NMNAT2: variants seen among roughly 807,000 people sequenced by gnomAD.
The protein encoded by NMNAT2 is nicotinamide/nicotinic acid mononucleotide adenylyltransferase 2.
A neutral mutation model predicts 41.6 loss-of-function variants in NMNAT2; 11 were observed. The observed-to-expected ratio is 0.26, with a 90% CI of 0.17 to 0.44. The LOEUF (loss-of-function observed/expected upper bound fraction) is 0.44, where lower values mean the gene tolerates loss of function less well. Among genes scored for constraint, NMNAT2 ranks in the 20% least tolerant of loss-of-function variants. The pLI is 1.00. For missense variants in NMNAT2, 288 were observed against 407.7 expected (o/e 0.71, Z 2.53); for synonymous variants, 148 against 151.2 (o/e 0.98, Z 0.16).
intron 1 of NMNAT2, among the ~76,000 whole-genome samples, chr1:183,372,138 A>T (rs189853994): frequency 3.3e-5 from 5 of 152,104 alleles, no homozygotes; most frequent in Non-Finnish European, 7.4e-5. Context: ...ACCTACGTCC[A>T]CTCTTCTGGA....
intron 1 of NMNAT2, among the ~76,000 whole-genome samples, chr1:183,357,525 G>A (rs976905338): frequency 5.3e-5 from 8 of 152,052 alleles, no homozygotes; most frequent in African/African-American, 1.7e-4. Context: ...CACCACGCCC[G>A]GCTGAGAGAT....
chr1:183,343,606 T>C (rs1022340158), intron 1 of NMNAT2, among the ~76,000 whole-genome samples: 32 of 152,322 alleles, frequency 2.1e-4, no homozygotes, highest in African/African-American at 7.2e-4. Flanking sequence ...TCTGTAAAAA[T>C]TACTTGAATG....
At chr1:183,294,219 C>T (rs927508139) in intron 1 of NMNAT2, among the ~76,000 whole-genome samples, 1 of 152,116 alleles carries the variant, frequency 6.6e-6, no homozygotes, top group African/African-American at 2.4e-5. Flanking sequence ...CTGATTGCCT[C>T]ATCTAATTAT....
intron 1 of NMNAT2, among the ~76,000 whole-genome samples, chr1:183,410,886 T>A (rs181137299): frequency 6.6e-6 from 1 of 152,114 alleles, no homozygotes; most frequent in Non-Finnish European, 1.5e-5. Context: ...CCCAGCTAAT[T>A]TTTTAAATTT....
intron 1 of NMNAT2, among the ~76,000 whole-genome samples, chr1:183,357,524 C>T (rs575719650): frequency 1.5e-4 from 23 of 152,188 alleles, no homozygotes; most frequent in African/African-American, 3.1e-4. Flanking sequence ...CCACCACGCC[C>T]GGCTGAGAGA....
intron 1 of NMNAT2, among the ~76,000 whole-genome samples, chr1:183,344,728 C>A (rs1469484581): frequency 6.6e-6 from 1 of 152,116 alleles, no homozygotes; most frequent in Non-Finnish European, 1.5e-5. Flanking sequence ...CCAGAGAAGG[C>A]AGAACAGAAT....
intron 1 of NMNAT2, among the ~76,000 whole-genome samples, chr1:183,351,828 C>A (rs1238665903): frequency 6.6e-6 from 1 of 152,052 alleles, no homozygotes; most frequent in Non-Finnish European, 1.5e-5. Context: ...AACCAGGTAC[C>A]CTTGGAAAGG....
intron 1 of NMNAT2, among the ~76,000 whole-genome samples, chr1:183,319,265 A>T (rs543218303): frequency 1.3e-5 from 2 of 152,358 alleles, no homozygotes; most frequent in Admixed American, 1.3e-4. Context: ...GAGTGCCAGG[A>T]ATACAAGAAT....
intron 8 of NMNAT2, among the ~76,000 whole-genome samples, chr1:183,276,562 C>T (rs983834524): frequency 2.6e-5 from 4 of 152,178 alleles, no homozygotes; most frequent in African/African-American, 4.8e-5. Context: ...TGGGTCTGCC[C>T]TTGAGAGGAG....
chr1:183,315,588 C>T (rs1187529441), intron 1 of NMNAT2, among the ~76,000 whole-genome samples: 1 of 151,878 alleles, frequency 6.6e-6, no homozygotes, highest in Admixed American at 6.6e-5. Context: ...TCAAGACCAG[C>T]CTGGCCAAGA....
intron 1 of NMNAT2, among the ~76,000 whole-genome samples, chr1:183,294,744 C>T (rs1352570467): frequency 2.0e-5 from 3 of 152,062 alleles, no homozygotes; most frequent in South Asian, 2.1e-4. Context: ...GAGCTGAGAT[C>T]GTGCCACTGC....
chr1:183,258,581 G>T (rs972041920), intron 10 of NMNAT2, among the ~76,000 whole-genome samples: 4 of 152,126 alleles, frequency 2.6e-5, no homozygotes, highest in Non-Finnish European at 5.9e-5. Flanking sequence ...CCTCCTTCTT[G>T]CCTAGGGACT....
intron 1 of NMNAT2, among the ~76,000 whole-genome samples, chr1:183,373,709 C>G (rs931354655): frequency 6.6e-6 from 1 of 151,742 alleles, no homozygotes; most frequent in African/African-American, 2.4e-5. Context: ...CCTCCGCCTC[C>G]TGGGTTCAAG....
chr1:183,326,104 G>A (rs1324445956), intron 1 of NMNAT2, among the ~76,000 whole-genome samples: 4 of 152,112 alleles, frequency 2.6e-5, no homozygotes, highest in South Asian at 2.1e-4. Flanking sequence ...GGCCAGGCAC[G>A]GTGGCTCATG....
At chr1:183,269,832 A>G (rs192521438) in intron 8 of NMNAT2, among the ~76,000 whole-genome samples, 4 of 152,276 alleles carry the variant, frequency 2.6e-5, no homozygotes, top group Admixed American at 1.3e-4. Context: ...TCTTTCCTCC[A>G]CATCACACCT....
chr1:183,362,369 T>C (rs1663324034), intron 1 of NMNAT2, among the ~76,000 whole-genome samples: 1 of 152,172 alleles, frequency 6.6e-6, no homozygotes, highest in South Asian at 2.1e-4. Context: ...TCTACAACAT[T>C]TTCATCACCC....
At chr1:183,386,051 G>A (rs1015977834) in intron 1 of NMNAT2, among the ~76,000 whole-genome samples, 1 of 152,118 alleles carries the variant, frequency 6.6e-6, no homozygotes, top group Non-Finnish European at 1.5e-5. Context: ...GAGACCGGAC[G>A]CTACTTGGGA....
chr1:183,298,338 G>C (rs899128870), intron 1 of NMNAT2, among the ~76,000 whole-genome samples: 1 of 152,164 alleles, frequency 6.6e-6, no homozygotes, highest in Admixed American at 6.5e-5. Context: ...TAATAAGTGA[G>C]CTCAACAAGG....
intron 1 of NMNAT2, among the ~76,000 whole-genome samples, chr1:183,318,245 C>A (rs1662294217): frequency 1.3e-5 from 2 of 152,232 alleles, no homozygotes; most frequent in African/African-American, 4.8e-5. Flanking sequence ...CCTAAGACCT[C>A]CTCTCACTTT....
Sources: allele counts gnomAD v4.1 joint callset (sites outside exome capture counted in the v4.1 genomes callset), GRCh38; gene constraint gnomAD v4.1.1; transcripts MANE v1.5; gene names NCBI Gene and HGNC (gene_info 2026-07-23, HGNC 2026-07-21).